GADL1: variants seen among roughly 807,000 people sequenced by gnomAD.
The protein encoded by GADL1 is GAD like acidic amino acid decarboxylase 1, also known as acidic amino acid decarboxylase GADL1.
Under a neutral mutation model 69.5 loss-of-function variants are expected in GADL1, and 71 were observed. That is an observed-to-expected ratio of 1.02 (90% CI 0.84 to 1.25). The LOEUF is 1.25. Among genes scored for constraint, GADL1 ranks in the 50% most tolerant of loss-of-function variants. GADL1 has a pLI of 0.00. For missense variants in GADL1, 737 were observed against 631.8 expected (o/e 1.17, Z -1.79); for synonymous variants, 254 against 214.4 (o/e 1.18, Z -1.62).
At chr3:30,873,719 T>C (rs1698527433) in intron 1 of GADL1, among the ~76,000 whole-genome samples, 1 of 152,006 alleles carries the variant, frequency 6.6e-6, no homozygotes, top group South Asian at 2.1e-4. Context: ...TTTAAATAAA[T>C]GCTATAAATG....
intron 11 of GADL1, among the ~76,000 whole-genome samples, chr3:30,808,823 T>C (rs926789688): frequency 8.5e-5 from 13 of 152,214 alleles, no homozygotes; most frequent in Non-Finnish European, 1.8e-4. Flanking sequence ...TTTCTGGCTT[T>C]CAAATGTATA....
intron 11 of GADL1, among the ~76,000 whole-genome samples, chr3:30,802,237 C>G (rs1697179310): frequency 6.6e-6 from 1 of 152,146 alleles, no homozygotes; most frequent in Non-Finnish European, 1.5e-5. Context: ...CAGTCACTAC[C>G]TATATTCTCT....
At chr3:30,806,595 T>C (rs772135184) in intron 11 of GADL1, among the ~76,000 whole-genome samples, 1 of 152,098 alleles carries the variant, frequency 6.6e-6, no homozygotes, top group Non-Finnish European at 1.5e-5. Flanking sequence ...CAGATGGGAA[T>C]AGGAGCAGAA....
At chr3:30,865,752 G>T (rs556662704) in intron 1 of GADL1, among the ~76,000 whole-genome samples, 1 of 151,890 alleles carries the variant, frequency 6.6e-6, no homozygotes, top group Non-Finnish European at 1.5e-5. Flanking sequence ...CTTTCCTCTC[G>T]ATTCTTGTTA....
chr3:30,891,659 A>AT (rs1553604636), intron 1 of GADL1, among the ~76,000 whole-genome samples: 10 of 152,140 alleles, frequency 6.6e-5, no homozygotes, highest in African/African-American at 2.2e-4. Context: ...AATAAAAAAA[A>AT]AAATAAAAAG....
chr3:30,786,362 A>AGT lies in GADL1; in HGVS notation c.1293_1294dup (p.Leu432HisfsTer2). ...AATTATGCAATCACTTACTTCCATC[A>AGT]GTAACTTGAATCCTTCTCTTTTCTT... On this transcript the variant is annotated frameshift_variant, in exon 13 of 15. Coordinates refer to ENST00000282538, the MANE Select transcript of GADL1 (RefSeq NM_207359.3). LOFTEE classifies it high-confidence loss of function. 1.9e-6 allele frequency: 3 copies of AGT among 1,558,068 alleles called. No homozygotes were observed. Among genetic ancestry groups the AGT allele is most frequent in the Non-Finnish European group, 2.7e-6 (3 of 1,130,216 alleles).
chr3:30,776,570 A>AG (rs1343692418), intron 14 of GADL1, among the ~76,000 whole-genome samples: 26 of 152,210 alleles, frequency 1.7e-4, no homozygotes, highest in Non-Finnish European at 1.9e-4. Context: ...GCTCCCTGAG[A>AG]GGGTTTGATA....
Position 30,800,854 on chromosome 3 carries a change from A to AAG in GADL1, c.1250+33_1250+34dup, listed in dbSNP as rs10553550. On this transcript the variant is annotated intron_variant, in intron 12 of 14. Coordinates refer to ENST00000282538, the MANE Select transcript of GADL1 (RefSeq NM_207359.3). ...ACACACACACACACACACACACAGAAAGAGAGAGAGAGAGAGAGAGAGAGA... is the reference window on the plus strand; with the variant it reads ...ACACACACACACACACACACACAGAAAGAGAGAGAGAGAGAGAGAGAGAGAGA... 3.1e-3 allele frequency: 3,677 copies of AAG among 1,184,084 alleles called. 2 individuals are homozygous for AAG. The highest frequency in any genetic ancestry group is 0.012 in the East Asian group (471 of 40,458). 73.3% of individuals were successfully genotyped at this position (1,184,084 alleles called of 1,614,324 possible).
At chr3:30,879,917 C>T (rs184957148) in intron 1 of GADL1, among the ~76,000 whole-genome samples, 10 of 151,934 alleles carry the variant, frequency 6.6e-5, no homozygotes, top group African/African-American at 2.4e-4. Flanking sequence ...TATTGTTTTG[C>T]TTTGAAACTC....
intron 1 of GADL1, among the ~76,000 whole-genome samples, 172 bp from the exon 2 acceptor site, chr3:30,861,937 A>G (rs1698326838): frequency 1.0e-5 from 1 of 96,700 alleles, no homozygotes; most frequent in African/African-American, 3.8e-5. Context: ...ATGGTATGAT[A>G]GTTAAGGAAA....
chr3:30,796,369 T>C (rs1236421370), intron 12 of GADL1, among the ~76,000 whole-genome samples: 1 of 152,144 alleles, frequency 6.6e-6, no homozygotes, highest in Admixed American at 6.6e-5. Context: ...TTCAACCCTA[T>C]CTCTAACAAA....
At chr3:30,800,473 T>A in intron 12 of GADL1, 1 of 182,408 alleles carries the variant, frequency 5.5e-6, no homozygotes, top group Non-Finnish European at 1.1e-5. Context: ...GGACACAGAG[T>A]CAAACAATAC....
intron 1 of GADL1, among the ~76,000 whole-genome samples, chr3:30,884,500 A>G (rs986135721): frequency 2.8e-4 from 43 of 151,966 alleles, no homozygotes; most frequent in Non-Finnish European, 5.3e-4. Flanking sequence ...GAAGTTACCA[A>G]CCTCAACCAC....
chr3:30,801,207 TTGAC>T (rs1333213916), intron 11 of GADL1, 119 bp from the exon 12 acceptor site: 9 of 706,740 alleles, frequency 1.3e-5, no homozygotes, highest in South Asian at 7.1e-5. Context: ...ACATCTCACT[TTGAC>T]TGCCTTACAT....
chr3:30,773,430 T>C (rs1461545411), intron 14 of GADL1, among the ~76,000 whole-genome samples: 2 of 152,072 alleles, frequency 1.3e-5, no homozygotes, highest in Non-Finnish European at 2.9e-5. Flanking sequence ...AAACATACAT[T>C]ATAGAAAATT....
chr3:30,754,822 ACT>A lies in GADL1; in HGVS notation c.1392+23355_1392+23356del, dbSNP rs540323387. ...CATGTTTTTCTAAAAATGAATTTTAACTCTGTTCTATGAGGGGGCAAAAACTG... is the reference window on the plus strand; with the variant it reads ...CATGTTTTTCTAAAAATGAATTTTAACTGTTCTATGAGGGGGCAAAAACTG... On this transcript the variant is annotated intron_variant, in intron 14 of 14. Coordinates refer to ENST00000282538, the MANE Select transcript of GADL1 (RefSeq NM_207359.3). Among the ~76,000 whole-genome samples the A allele has an allele frequency of 1.0e-3, 152 of 151,990 alleles. 1 individual carries two copies. Among genetic ancestry groups the A allele is most frequent in the African/African-American group, 3.5e-3 (144 of 41,350 alleles).
intron 1 of GADL1, among the ~76,000 whole-genome samples, chr3:30,879,378 A>G (rs1204029684): frequency 6.6e-6 from 1 of 151,812 alleles, no homozygotes; most frequent in African/African-American, 2.4e-5. Flanking sequence ...TACTCAATTA[A>G]TCTACCTTCC....
chr3:30,782,936 TAGATTACA>T (rs1696700239), intron 13 of GADL1, among the ~76,000 whole-genome samples: 1 of 152,194 alleles, frequency 6.6e-6, no homozygotes, highest in African/African-American at 2.4e-5. Context: ...ATAGTTTTAT[TAGATTACA>T]AGATAACAAT....
At chr3:30,874,055 A>G (rs1432304078) in intron 1 of GADL1, among the ~76,000 whole-genome samples, 7 of 151,908 alleles carry the variant, frequency 4.6e-5, no homozygotes, top group African/African-American at 1.7e-4. Flanking sequence ...CTAGGGAGGG[A>G]GGACACTGTT....
Sources: gnomAD v4.1 joint callset for allele counts (sites outside exome capture counted in the v4.1 genomes callset) on GRCh38, gnomAD v4.1.1 for gene constraint, MANE v1.5 for transcripts, NCBI Gene and HGNC (gene_info 2026-07-23, HGNC 2026-07-21) for gene names.